The following ADAMTS3 variants were observed in gnomAD, a reference collection of about 807,000 sequenced individuals.
ADAMTS3 encodes the protein A disintegrin and metalloproteinase with thrombospondin motifs 3.
ADAMTS3 carries 73 observed loss-of-function variants against 129.0 expected under a neutral mutation model. The ratio of observed to expected loss-of-function variants is 0.57; its 90% confidence interval spans 0.47 to 0.69. ADAMTS3 has a LOEUF of 0.69. Among genes scored for constraint, ADAMTS3 ranks in the 30% least tolerant of loss-of-function variants. The pLI is 0.00. For missense variants in ADAMTS3, 1,457 were observed against 1,514.5 expected (o/e 0.96, Z 0.63); for synonymous variants, 477 against 510.8 (o/e 0.93, Z 0.89).
At chr4:72,391,772 T>C (rs1305943140) in intron 4 of ADAMTS3, among the ~76,000 whole-genome samples, 2 of 151,870 alleles carry the variant, frequency 1.3e-5, no homozygotes, top group African/African-American at 2.4e-5. Context: ...ACCCACAATA[T>C]GGTTTCAGTG....
chr4:72,406,429 G>A (rs994866608), intron 4 of ADAMTS3, among the ~76,000 whole-genome samples: 1 of 151,946 alleles, frequency 6.6e-6, no homozygotes, highest in African/African-American at 2.4e-5. Context: ...TTGAACATTT[G>A]TAAAGAATTA....
Position 72,282,938 on chromosome 4 carries a change from T to G in ADAMTS3, c.*198A>C. 2.2e-6 allele frequency: 1 copy of G among 457,420 alleles called. No individual in the cohort carries two copies. Among genetic ancestry groups the G allele is most frequent in the East Asian group, 3.3e-5 (1 of 29,858 alleles). 28.3% of individuals were successfully genotyped at this position (457,420 alleles called of 1,614,324 possible). On this transcript the variant is annotated 3_prime_UTR_variant, in exon 22 of 22. Coordinates refer to ENST00000286657, the MANE Select transcript of ADAMTS3 (RefSeq NM_014243.3). ...TCTTTGGTGATTTCTTCCAATGAAT[T>G]CTGGTAAATGAGTCAATGCAGAACA... is the stretch of plus-strand genomic sequence containing the variant.
At chr4:72,327,379 T>C (rs986028043) in intron 5 of ADAMTS3, among the ~76,000 whole-genome samples, 1 of 152,142 alleles carries the variant, frequency 6.6e-6, no homozygotes, top group Non-Finnish European at 1.5e-5. Context: ...TTTTCTGAAG[T>C]AAAAGCAAAA....
chr4:72,415,135 A>G (rs1578659674), intron 3 of ADAMTS3, among the ~76,000 whole-genome samples, 164 bp from the exon 4 acceptor site: 1 of 138,564 alleles, frequency 7.2e-6, no homozygotes, highest in Non-Finnish European at 1.6e-5. Context: ...ATCAATAATT[A>G]ATTCATATAA....
intron 9 of ADAMTS3, 80 bp from the exon 10 acceptor site, chr4:72,318,784 G>T: frequency 7.3e-7 from 1 of 1,369,784 alleles, no homozygotes; most frequent in Non-Finnish European, 1.0e-6. Flanking sequence ...AGTAGTCTTA[G>T]CTTATATACT....
intron 3 of ADAMTS3, among the ~76,000 whole-genome samples, chr4:72,457,417 A>T (rs1365672175): frequency 6.6e-6 from 1 of 151,712 alleles, no homozygotes; most frequent in Non-Finnish European, 1.5e-5. Context: ...AGGAATGAGA[A>T]CTACCTCAAA....
chr4:72,462,607 T>C (rs907335265), intron 3 of ADAMTS3, among the ~76,000 whole-genome samples: 7 of 151,942 alleles, frequency 4.6e-5, no homozygotes, highest in African/African-American at 1.7e-4. Flanking sequence ...ATGATCCTGA[T>C]CCCATGTAGG....
intron 3 of ADAMTS3, among the ~76,000 whole-genome samples, chr4:72,475,158 C>T (rs1719196328): frequency 6.6e-6 from 1 of 151,334 alleles, no homozygotes; most frequent in African/African-American, 2.4e-5. Flanking sequence ...AACTTAAGCC[C>T]TAACATATTA....
intron 2 of ADAMTS3, among the ~76,000 whole-genome samples, chr4:72,564,158 A>C (rs1314633432): frequency 6.6e-6 from 1 of 152,200 alleles, no homozygotes; most frequent in Non-Finnish European, 1.5e-5. Context: ...CCCCAATTCC[A>C]AGTGGGGTCG....
chr4:72,409,111 G>A (rs1311638943), intron 4 of ADAMTS3, among the ~76,000 whole-genome samples: 9 of 151,928 alleles, frequency 5.9e-5, no homozygotes, highest in Non-Finnish European at 1.2e-4. Flanking sequence ...GGTTAAGGAG[G>A]CACGCTTGGC....
chr4:72,292,102 G>C (rs1392940983), intron 19 of ADAMTS3, among the ~76,000 whole-genome samples: 2 of 152,186 alleles, frequency 1.3e-5, no homozygotes, highest in African/African-American at 4.8e-5. Context: ...ACATCTGACA[G>C]TGAATCTTTA....
intron 3 of ADAMTS3, among the ~76,000 whole-genome samples, chr4:72,418,535 T>A (rs192908484): frequency 6.6e-6 from 1 of 152,308 alleles, no homozygotes; most frequent in East Asian, 1.9e-4. Flanking sequence ...GCTTCCAGTA[T>A]TCCTAGTCAA....
intron 3 of ADAMTS3, among the ~76,000 whole-genome samples, chr4:72,543,214 T>C (rs1411807997): frequency 6.6e-6 from 1 of 152,136 alleles, no homozygotes; most frequent in Non-Finnish European, 1.5e-5. Flanking sequence ...GACATAAACC[T>C]CTCTCTTTTG....
At chr4:72,362,473 C>T (rs951722506) in intron 4 of ADAMTS3, among the ~76,000 whole-genome samples, 14 of 152,056 alleles carry the variant, frequency 9.2e-5, no homozygotes, top group African/African-American at 2.4e-4. Flanking sequence ...TTAGATATTA[C>T]GAAAGAATAC....
At chr4:72,408,277 C>A (rs1001412356) in intron 4 of ADAMTS3, among the ~76,000 whole-genome samples, 11 of 151,856 alleles carry the variant, frequency 7.2e-5, no homozygotes, top group Admixed American at 2.0e-4. Context: ...CAGGAAGATG[C>A]CCGGTAGAAG....
At chr4:72,432,209 G>T (rs1307201988) in intron 3 of ADAMTS3, among the ~76,000 whole-genome samples, 1 of 151,848 alleles carries the variant, frequency 6.6e-6, no homozygotes, top group Non-Finnish European at 1.5e-5. Flanking sequence ...AAGGTGTGTG[G>T]CTGGAAGTGA....
chr4:72,312,694 T>C (rs76531744), intron 12 of ADAMTS3, among the ~76,000 whole-genome samples: 1 of 151,988 alleles, frequency 6.6e-6, no homozygotes, highest in African/African-American at 2.4e-5. Context: ...TTTCAAATCA[T>C]ATATTTTAAA....
chr4:72,559,619 T>C (rs1444707740), intron 2 of ADAMTS3, among the ~76,000 whole-genome samples: 1 of 151,616 alleles, frequency 6.6e-6, no homozygotes, highest in East Asian at 1.9e-4. Context: ...GTACCTCTCT[T>C]TGAGTAAAAG....
chr4:72,333,848 C>CTTTTTTTT lies in ADAMTS3; in HGVS notation c.861+5638_861+5645dup, dbSNP rs6148516. Among the ~76,000 whole-genome samples, 151 of 99,456 alleles carry CTTTTTTTT rather than the reference C, an allele frequency of 1.5e-3. 10 individuals are homozygous for CTTTTTTTT. Among genetic ancestry groups the CTTTTTTTT allele is most frequent in the Middle Eastern group, 9.3e-3 (1 of 108 alleles). 65.2% of individuals were successfully genotyped at this position (99,456 alleles called of 152,430 possible). ...TTGTTGTTGTTTGTTTGTTTGCTTG[C>CTTTTTTTT]TTTTTTTTTTTTTTTTTTTGAGACG... On this transcript the variant is annotated intron_variant, in intron 5 of 21. Coordinates refer to ENST00000286657, the MANE Select transcript of ADAMTS3 (RefSeq NM_014243.3).
Sources: gnomAD v4.1 joint callset for allele counts (sites outside exome capture counted in the v4.1 genomes callset) on GRCh38, gnomAD v4.1.1 for gene constraint, MANE v1.5 for transcripts, NCBI Gene and HGNC (gene_info 2026-07-23, HGNC 2026-07-21) for gene names.